Variants in KDM3B observed in about 807,000 individuals in gnomAD.
KDM3B encodes the protein lysine-specific demethylase 3B.
A neutral mutation model predicts 170.0 loss-of-function variants in KDM3B; 10 were observed. The ratio of observed to expected loss-of-function variants is 0.06; its 90% CI spans 0.04 to 0.10. KDM3B has a LOEUF of 0.10. Ranked by LOEUF, KDM3B falls within the 10% of genes least tolerant of loss-of-function variation. KDM3B has a pLI of 1.00. For missense variants in KDM3B, 1,394 were observed against 2,195.2 expected (o/e 0.64, Z 7.29); for synonymous variants, 831 against 834.8 (o/e 1.00, Z 0.08).
chr5:138,431,681 A>T (rs1053451166), intron 23 of KDM3B, 122 bp downstream of exon 23: 2 of 908,672 alleles, frequency 2.2e-6, no homozygotes, highest in Admixed American at 6.2e-5. Flanking sequence ...AGGAGAAATG[A>T]TGCAGGGAAG....
At chr5:138,404,018 T>C (rs1005476718) in intron 11 of KDM3B, among the ~76,000 whole-genome samples, 1 of 150,814 alleles carries the variant, frequency 6.6e-6, no homozygotes, top group Non-Finnish European at 1.5e-5. Context: ...TTAGATAATG[T>C]AGAAGAAAAA....
chr5:138,405,067 A>G (rs1430680894), intron 11 of KDM3B, among the ~76,000 whole-genome samples: 45 of 139,688 alleles, frequency 3.2e-4, no homozygotes, highest in Admixed American at 7.5e-4. Flanking sequence ...TTTTTGAGAC[A>G]GAGTGTCGTA....
At position 138,377,740 on chromosome 5, in the gene KDM3B, C is replaced by G; in HGVS notation, c.495C>G (p.Asn165Lys). 6.2e-7 allele frequency: 1 copy of G among 1,613,420 alleles called. No individual in the cohort carries two copies. Among genetic ancestry groups the G allele is most frequent in the Non-Finnish European group, 8.5e-7 (1 of 1,179,502 alleles). ...ACCAGATGGGAACAGATAGCCAAAA[C>G]CAGATTCTTTTGGAACATGCTGCAC... ...HLFQMGTDSQ[N>K]QILLEHAALR... Residue 165 changes from asparagine (N) to lysine (K), a missense_variant, in exon 4 of 24, where the codon AAC (asparagine) becomes AAG (lysine). By Grantham distance (94) the Asn-to-Lys change is moderately conservative. Coordinates refer to ENST00000314358, the MANE Select transcript of KDM3B (RefSeq NM_016604.4).
chr5:138,412,991 G>A (rs551780716), intron 11 of KDM3B, among the ~76,000 whole-genome samples: 1 of 152,264 alleles, frequency 6.6e-6, no homozygotes, highest in Non-Finnish European at 1.5e-5. Context: ...ATAGTCGATG[G>A]CAGGTAAGTA....
At chr5:138,381,369 TGAGACAGTA>T (rs1762120816) in intron 5 of KDM3B, 138 bp from the exon 6 acceptor site, 6 of 590,638 alleles carry the variant, frequency 1.0e-5, no homozygotes, top group Non-Finnish European at 1.5e-5. Flanking sequence ...TAGCAGTAAA[TGAGACAGTA>T]GAGATCTCTG....
chr5:138,382,494 C>T (rs775951913), intron 6 of KDM3B, among the ~76,000 whole-genome samples: 1 of 151,970 alleles, frequency 6.6e-6, no homozygotes, highest in Non-Finnish European at 1.5e-5. Context: ...CTGAACCAAT[C>T]GAGTAATTCT....
At chr5:138,411,149 G>A (rs1285109133) in intron 11 of KDM3B, among the ~76,000 whole-genome samples, 2 of 152,198 alleles carry the variant, frequency 1.3e-5, no homozygotes, top group Admixed American at 6.5e-5. Context: ...GCTAGACCAC[G>A]GTCCACCTGG....
Position 138,392,000 on chromosome 5 carries a change from C to G in KDM3B, c.2368C>G (p.Pro790Ala). The change falls in exon 8 of 24, where the codon CCT becomes GCT. Residue 790 changes from proline (P) to alanine (A), a missense_variant. Physicochemically the swap from Pro to Ala is conservative, Grantham distance 27. Transcript: ENST00000314358. The surrounding 1 kb of genome is among the most constrained non-coding windows in gnomAD (Gnocchi z 5.0). ...AGATTTTTCACAGGAGAACAAAGCT[C>G]CTTTTGAAGCTGTGAAAAGGTTCTC... ...PADFSQENKA[P>A]FEAVKRFSLD... The G allele has an allele frequency of 1.2e-6, 2 of 1,613,930 alleles. No individual in the cohort carries two copies. Among genetic ancestry groups the G allele is most frequent in the Non-Finnish European group, 1.7e-6 (2 of 1,179,786 alleles).
chr5:138,430,844 C>T (rs1354708408), intron 22 of KDM3B, among the ~76,000 whole-genome samples: 11 of 151,954 alleles, frequency 7.2e-5, no homozygotes, highest in South Asian at 2.1e-4. Context: ...GAGCCAAGAT[C>T]GCACCATTGC....
In KDM3B at chr5:138,411,701, AT is replaced by A. The variant is rs747136849; in HGVS notation, c.3200-3417del. The stretch of plus-strand genomic sequence containing the variant: ...TAAAAGTTTATTTTTTATTCTTTTA[AT>A]TTTTTTTTTTTTTCTGAGACAAAGT... On this transcript the variant is annotated intron_variant, in intron 11 of 23. Coordinates refer to ENST00000314358, the MANE Select transcript of KDM3B (RefSeq NM_016604.4). Among the ~76,000 whole-genome samples the A allele has an allele frequency of 1.5e-3, 223 of 145,052 alleles. 1 individual carries two copies. Among genetic ancestry groups the A allele is most frequent in the African/African-American group, 3.3e-3 (133 of 39,858 alleles).
intron 13 of KDM3B, among the ~76,000 whole-genome samples, chr5:138,418,228 C>T (rs10479184): frequency 0.3 from 45,484 of 151,718 alleles, 7,615 homozygotes; most frequent in South Asian, 0.43. Flanking sequence ...TACAGGCATG[C>T]GCCACCACAC....
intron 1 of KDM3B, among the ~76,000 whole-genome samples, chr5:138,357,390 TCTCA>T (rs1761479008): frequency 6.6e-6 from 1 of 150,872 alleles, no homozygotes; most frequent in Non-Finnish European, 1.5e-5. Flanking sequence ...TGAGACAGGG[TCTCA>T]CTCTGTCACC....
chr5:138,426,751 C>T (rs371946713), intron 17 of KDM3B: 76 of 439,962 alleles, frequency 1.7e-4, no homozygotes, highest in African/African-American at 1.4e-3. Flanking sequence ...ATTAGCCAGG[C>T]GTGGTGGTGG....
intron 6 of KDM3B, among the ~76,000 whole-genome samples, chr5:138,383,726 G>A (rs1213936536): frequency 6.6e-6 from 1 of 152,066 alleles, no homozygotes; most frequent in Admixed American, 6.5e-5. Flanking sequence ...GAGGCAGGTG[G>A]ATCACCTGAG....
intron 14 of KDM3B, 113 bp downstream of exon 14, chr5:138,419,345 C>G: frequency 7.8e-7 from 1 of 1,288,700 alleles, no homozygotes; most frequent in South Asian, 1.5e-5. Flanking sequence ...TACTTACTTT[C>G]TCTGGCTAAT....
At chr5:138,382,040 A>G (rs1762138166) in intron 6 of KDM3B, among the ~76,000 whole-genome samples, 1 of 152,014 alleles carries the variant, frequency 6.6e-6, no homozygotes. Flanking sequence ...AATCAATTCA[A>G]GCTGGTACCT....
At chr5:138,426,903 CA>C in intron 17 of KDM3B, 71 bp from the exon 18 acceptor site, 1 of 1,089,306 alleles carries the variant, frequency 9.2e-7, no homozygotes, top group Non-Finnish European at 1.4e-6. Context: ...ATTAGTCTCC[CA>C]AAAGTTACTG....
intron 16 of KDM3B, among the ~76,000 whole-genome samples, chr5:138,425,102 T>G (rs1450836083): frequency 1.3e-5 from 2 of 152,368 alleles, no homozygotes; most frequent in East Asian, 3.9e-4. Flanking sequence ...ATTGTCATTT[T>G]CAATATGAGG....
At chr5:138,401,281 A>C (rs1240292244) in intron 11 of KDM3B, among the ~76,000 whole-genome samples, 1 of 151,806 alleles carries the variant, frequency 6.6e-6, no homozygotes, top group Admixed American at 6.6e-5. Context: ...AAAAAAAAAA[A>C]AAAAACCAAA....
Sources: allele counts gnomAD v4.1 joint callset (sites outside exome capture counted in the v4.1 genomes callset), GRCh38; gene constraint gnomAD v4.1.1; non-coding constraint Gnocchi (gnomAD v3.1); transcripts MANE v1.5; gene names NCBI Gene and HGNC (gene_info 2026-07-23, HGNC 2026-07-21).